The following ADIPOR2 variants were observed in gnomAD, a reference collection of about 807,000 sequenced individuals.
ADIPOR2 encodes adiponectin receptor protein 2.
ADIPOR2 carries 18 observed loss-of-function variants against 40.9 expected under a neutral mutation model. That is an observed-to-expected ratio of 0.44 (90% CI 0.30 to 0.65). ADIPOR2 has a LOEUF of 0.65. Ranked by LOEUF, ADIPOR2 falls within the 30% of genes least tolerant of loss-of-function variation. ADIPOR2 has a pLI of 0.09. For missense variants in ADIPOR2, 283 were observed against 479.2 expected (o/e 0.59, Z 3.82); for synonymous variants, 165 against 166.4 (o/e 0.99, Z 0.06).
At chr12:1,710,016 T>G (rs2094672943) in intron 1 of ADIPOR2, among the ~76,000 whole-genome samples, 1 of 152,214 alleles carries the variant, frequency 6.6e-6, no homozygotes, top group South Asian at 2.1e-4. Flanking sequence ...TTTCTGTTGT[T>G]GGTTCTAAAA....
chr12:1,775,804 G>C (rs965057008), intron 3 of ADIPOR2, among the ~76,000 whole-genome samples: 1 of 152,214 alleles, frequency 6.6e-6, no homozygotes, highest in Non-Finnish European at 1.5e-5. Flanking sequence ...GCAGACTGCA[G>C]AGGTTGACAG....
At chr12:1,778,581 A>T (rs557946592) in intron 4 of ADIPOR2, 8 of 152,354 alleles carry the variant, frequency 5.3e-5, no homozygotes, top group South Asian at 4.1e-4. Context: ...AGACCCAAAC[A>T]TAAGAGCAAA....
At chr12:1,711,480 G>C (rs2094676697) in intron 1 of ADIPOR2, among the ~76,000 whole-genome samples, 1 of 152,068 alleles carries the variant, frequency 6.6e-6, no homozygotes. Context: ...TGGGGAGGCA[G>C]ATACAGGTTG....
chr12:1,752,098 T>C (rs747882510), intron 1 of ADIPOR2, among the ~76,000 whole-genome samples: 4 of 151,356 alleles, frequency 2.6e-5, no homozygotes, highest in Non-Finnish European at 5.9e-5. Flanking sequence ...TAGTAGAGAC[T>C]AATTTTTTGT....
chr12:1,747,485 T>C (rs1349137905), intron 1 of ADIPOR2, among the ~76,000 whole-genome samples: 2 of 152,208 alleles, frequency 1.3e-5, no homozygotes, highest in Admixed American at 1.3e-4. Context: ...GGTAAACATT[T>C]ATATAATTAC....
At chr12:1,726,137 A>G (rs1239376670) in intron 1 of ADIPOR2, among the ~76,000 whole-genome samples, 1 of 152,232 alleles carries the variant, frequency 6.6e-6, no homozygotes, top group Non-Finnish European at 1.5e-5. Flanking sequence ...AGTGCTTCTA[A>G]GCAACATAAC....
intron 2 of ADIPOR2, among the ~76,000 whole-genome samples, chr12:1,757,029 T>C (rs1421705977): frequency 6.6e-6 from 1 of 152,192 alleles, no homozygotes; most frequent in African/African-American, 2.4e-5. Context: ...TCAGTAACTG[T>C]GTCACGATTA....
chr12:1,760,317 CA>C (rs372275112), intron 2 of ADIPOR2, among the ~76,000 whole-genome samples: 57 of 152,148 alleles, frequency 3.7e-4, no homozygotes, highest in African/African-American at 1.1e-3. Flanking sequence ...ACTCTTAAAA[CA>C]TTTTTTTTTG....
intron 1 of ADIPOR2, among the ~76,000 whole-genome samples, chr12:1,736,333 G>T (rs1375862372): frequency 6.6e-6 from 1 of 152,190 alleles, no homozygotes; most frequent in East Asian, 1.9e-4. Flanking sequence ...GAGGGTGTAT[G>T]TGTCGAGGAA....
rs369623928 is a variant in ADIPOR2, at chr12:1,711,109, A to C, written c.-87+19918A>C. Among the ~76,000 whole-genome samples the C allele has an allele frequency of 3.5e-4, 53 of 152,246 alleles. 1 individual carries two copies. Among genetic ancestry groups the C allele is most frequent in the African/African-American group, 1.2e-3 (51 of 41,500 alleles). On this transcript the variant is annotated intron_variant, in intron 1 of 7. Transcript: ENST00000357103. The stretch of plus-strand genomic sequence containing the variant: ...GTGTAAAAGCAACATTCTTCCCCTA[A>C]GAAGGTGCATAGTCCTCCTTTCTCA...
chr12:1,758,202 A>G (rs1862187330), intron 2 of ADIPOR2, among the ~76,000 whole-genome samples: 2 of 152,242 alleles, frequency 1.3e-5, no homozygotes, highest in Admixed American at 6.5e-5. Flanking sequence ...TCACTAATAA[A>G]TAATTAGGTG....
intron 2 of ADIPOR2, among the ~76,000 whole-genome samples, chr12:1,767,545 T>C (rs570483243): frequency 2.5e-4 from 38 of 152,282 alleles, no homozygotes; most frequent in African/African-American, 8.7e-4. Flanking sequence ...TTGTTAGTAA[T>C]ATCAGCTTGC....
At chr12:1,705,404 C>G (rs1171270414) in intron 1 of ADIPOR2, among the ~76,000 whole-genome samples, 1 of 152,170 alleles carries the variant, frequency 6.6e-6, no homozygotes, top group Non-Finnish European at 1.5e-5. Context: ...AATCTGAAAT[C>G]TAAAATGCTC....
intron 1 of ADIPOR2, among the ~76,000 whole-genome samples, chr12:1,740,334 A>G (rs776871484): frequency 1.3e-5 from 2 of 152,218 alleles, no homozygotes; most frequent in Non-Finnish European, 2.9e-5. Context: ...TCTGGAGGCT[A>G]GAGTTTCAAG....
chr12:1,744,455 G>T (rs1050581808), intron 1 of ADIPOR2, among the ~76,000 whole-genome samples: 2 of 151,636 alleles, frequency 1.3e-5, no homozygotes, highest in Non-Finnish European at 2.9e-5. Context: ...TGTCACCCTG[G>T]CTGGTTAGTA....
In ADIPOR2 at chr12:1,762,026, C is replaced by G. The variant is rs549719559; in HGVS notation, c.171+7512C>G. ...AACTTCATTTCAGGACATTCTTCTCCATGTTCATTGAGCTGCAGCCGCATT... is the reference window on the plus strand; with the variant it reads ...AACTTCATTTCAGGACATTCTTCTCGATGTTCATTGAGCTGCAGCCGCATT... On this transcript the variant is annotated intron_variant, in intron 2 of 7. Coordinates refer to ENST00000357103, the MANE Select transcript of ADIPOR2 (RefSeq NM_024551.3). 1.8e-4 allele frequency among the ~76,000 whole-genome samples: 27 copies of G among 152,312 alleles called. No individual in the cohort carries two copies. In the South Asian group the frequency reaches 5.6e-3, roughly 32 times the overall value.
intron 1 of ADIPOR2, among the ~76,000 whole-genome samples, chr12:1,717,545 A>C (rs1389363870): frequency 2.0e-5 from 3 of 152,126 alleles, no homozygotes; most frequent in Admixed American, 6.6e-5. Context: ...GTCTCTGCTA[A>C]AAATACAAAA....
chr12:1,784,012 G>A lies in ADIPOR2; in HGVS notation c.971G>A (p.Gly324Glu), dbSNP rs1234220988. The A allele has an allele frequency of 6.2e-7, 1 of 1,613,104 alleles. No homozygotes were observed. ...CTGATGGCCAGCCTCTACATCACAG[G>A]AGCTGCCCTGTATGCTGCCCGGATC... is the stretch of plus-strand genomic sequence containing the variant. ...LMLMASLYIT[G>E]AALYAARIPE... is the part of the protein sequence containing the mutation. Residue 324 changes from glycine to glutamate, a missense_variant, in exon 7 of 8, where the codon GGA (glycine) becomes GAA (glutamate). Coordinates refer to ENST00000357103, the MANE Select transcript of ADIPOR2 (RefSeq NM_024551.3).
chr12:1,749,482 A>G (rs1273397477), intron 1 of ADIPOR2, among the ~76,000 whole-genome samples: 1 of 152,252 alleles, frequency 6.6e-6, no homozygotes, highest in African/African-American at 2.4e-5. Flanking sequence ...ACCATGGAAG[A>G]AGACCAATAG....
Sources: gnomAD v4.1 joint callset for allele counts (sites outside exome capture counted in the v4.1 genomes callset) on GRCh38, gnomAD v4.1.1 for gene constraint, MANE v1.5 for transcripts, NCBI Gene and HGNC (gene_info 2026-07-23, HGNC 2026-07-21) for gene names.